The following MYT1 variants were observed in gnomAD, a reference collection of about 807,000 sequenced individuals.
MYT1 encodes myelin transcription factor 1.
MYT1 carries 23 observed loss-of-function variants against 123.0 expected under a neutral mutation model. The ratio of observed to expected loss-of-function variants is 0.19; its 90% CI spans 0.13 to 0.26. MYT1 has a LOEUF of 0.26. Ranked by LOEUF, MYT1 falls within the 10% of genes least tolerant of loss-of-function variation. MYT1 has a pLI of 1.00. For synonymous variants in MYT1, 518 were observed against 575.3 expected (o/e 0.90, Z 1.43); for missense variants, 1,125 against 1,472.5 (o/e 0.76, Z 3.86).
chr20:64,220,654 C>A (rs1019376339), intron 13 of MYT1, among the ~76,000 whole-genome samples: 2 of 152,272 alleles, frequency 1.3e-5, no homozygotes, highest in African/African-American at 2.4e-5. Flanking sequence ...AGGGTCCAGG[C>A]GGCAGCAGCC....
At position 64,208,757 on chromosome 20, in the gene MYT1, A is replaced by G. The variant is rs374875910; in HGVS notation, c.1291+270A>G. Among the ~76,000 whole-genome samples, 2 of 152,248 alleles carry G rather than the reference A, an allele frequency of 1.3e-5. No homozygotes were observed. Among genetic ancestry groups the G allele is most frequent in the South Asian group, 4.1e-4 (2 of 4,824 alleles). On this transcript the variant is annotated intron_variant, in intron 7 of 22. Coordinates refer to ENST00000328439, the MANE Select transcript of MYT1 (RefSeq NM_004535.3). This position sits in a 1 kb window ranked among gnomAD's most constrained non-coding sequence, Gnocchi z 5.4. ...GAGGAGGTGGGAGGGACAGTGACCCACCCACAGTGACTGGTCACAGCAGCA... is the reference window on the plus strand; with the variant it reads ...GAGGAGGTGGGAGGGACAGTGACCCGCCCACAGTGACTGGTCACAGCAGCA...
rs1984326013 is a variant in MYT1 at position 64,231,705 on chromosome 20, C to G, written c.2676-459C>G. ...CCCTGAGCTCCCCTGCTTAGGGGAC[C>G]TTGTCATTCTTTTGTGATCCATAGG... On this transcript the variant is annotated intron_variant, in intron 18 of 22. Coordinates refer to ENST00000328439, the MANE Select transcript of MYT1 (RefSeq NM_004535.3). The surrounding 1 kb of genome is among the most constrained non-coding windows in gnomAD (Gnocchi z 6.4). 6.6e-6 allele frequency among the ~76,000 whole-genome samples: 1 copy of G among 152,130 alleles called. No individual in the cohort carries two copies. The highest frequency in any genetic ancestry group is 2.1e-4 in the South Asian group (1 of 4,828).
At chr20:64,211,474 C>A in intron 8 of MYT1, 134 bp downstream of exon 8, 3 of 914,944 alleles carry the variant, frequency 3.3e-6, no homozygotes, top group Non-Finnish European at 4.8e-6. Flanking sequence ...AGATGCTCAT[C>A]CTTACATCTC....
At chr20:64,170,908 G>T (rs1358524236) in intron 1 of MYT1, among the ~76,000 whole-genome samples, 5 of 126,380 alleles carry the variant, frequency 4.0e-5, no homozygotes, top group Admixed American at 7.9e-5. Flanking sequence ...GAGAGAGAGA[G>T]AGAGAGAGAG....
chr20:64,182,104 T>C (rs1371889686), intron 1 of MYT1, among the ~76,000 whole-genome samples: 1 of 152,206 alleles, frequency 6.6e-6, no homozygotes. Flanking sequence ...TAAACCCAAG[T>C]AGCAGCAAGA....
intron 2 of MYT1, among the ~76,000 whole-genome samples, chr20:64,194,512 G>C (rs1045667221): frequency 6.6e-6 from 1 of 152,246 alleles, no homozygotes; most frequent in Non-Finnish European, 1.5e-5. Flanking sequence ...ACACCCTCCT[G>C]CTGGGGCCAG....
chr20:64,202,050 T>TGTCGGGAACCC lies in MYT1; in HGVS notation c.86+2128_86+2129insGTCGGGAACCC, dbSNP rs1983336609. On this transcript the variant is annotated intron_variant, in intron 4 of 22. Coordinates refer to ENST00000328439, the MANE Select transcript of MYT1 (RefSeq NM_004535.3). The surrounding 1 kb of genome is among the most constrained non-coding windows in gnomAD (Gnocchi z 5.0). ...CGGGAACCCCCGCGTGTCGGGAACCTCTGCGTGTCGGGAACCCCTGTGTGC... is the reference window on the plus strand; with the variant it reads ...CGGGAACCCCCGCGTGTCGGGAACCTGTCGGGAACCCCTGCGTGTCGGGAACCCCTGTGTGC... 8.1e-6 allele frequency among the ~76,000 whole-genome samples: 1 copy of TGTCGGGAACCC among 122,932 alleles called. No homozygotes were observed. The highest frequency in any genetic ancestry group is 1.8e-5 in the Non-Finnish European group (1 of 54,890). 80.6% of individuals were successfully genotyped at this position (122,932 alleles called of 152,430 possible). A position where few individuals can be genotyped will look rare whatever the true frequency, so the allele number is the denominator to read the frequency against.
chr20:64,197,282 A>T (rs758310032), intron 2 of MYT1, among the ~76,000 whole-genome samples: 1 of 152,172 alleles, frequency 6.6e-6, no homozygotes, highest in Non-Finnish European at 1.5e-5. Context: ...GGGAGGTTCA[A>T]TTTGCAAATT....
intron 6 of MYT1, 83 bp from the exon 7 acceptor site, chr20:64,207,511 G>A (rs982658706): frequency 1.9e-6 from 3 of 1,540,114 alleles, no homozygotes; most frequent in Non-Finnish European, 2.6e-6. Context: ...TCAGGTGGAG[G>A]GGTGGTGGGT....
At chr20:64,173,360 G>T (rs1396470689) in intron 1 of MYT1, among the ~76,000 whole-genome samples, 1 of 152,120 alleles carries the variant, frequency 6.6e-6, no homozygotes, top group Non-Finnish European at 1.5e-5. Context: ...GTCTTTTGTG[G>T]GCTTCTCCCC....
chr20:64,184,099 C>T (rs1260417213), intron 1 of MYT1, among the ~76,000 whole-genome samples: 3 of 152,138 alleles, frequency 2.0e-5, no homozygotes, highest in East Asian at 1.9e-4. Context: ...GGATTACAGC[C>T]GTGAGCCACT....
chr20:64,188,190 C>T (rs1029126203), intron 1 of MYT1, among the ~76,000 whole-genome samples: 1 of 152,140 alleles, frequency 6.6e-6, no homozygotes. Flanking sequence ...ACTGGAGGTC[C>T]CTTTGCAGAG....
Position 64,199,888 on chromosome 20 carries a change from C to A in MYT1, c.56-4C>A. On this transcript the variant is annotated splice_polypyrimidine_tract_variant and splice_region_variant and intron_variant, in intron 3 of 22. Transcript: ENST00000328439. Reference sequence around the variant, plus strand: ...TGTTTTCCCTGTTTCTGTCTTTTTCCCAGGACCCCCAGAGACCACAGCTGC... The same window carrying A: ...TGTTTTCCCTGTTTCTGTCTTTTTCACAGGACCCCCAGAGACCACAGCTGC... The A allele has an allele frequency of 6.2e-7, 1 of 1,614,082 alleles. No individual in the cohort carries two copies. Among genetic ancestry groups the A allele is most frequent in the South Asian group, 1.1e-5 (1 of 91,078 alleles).
At chr20:64,195,354 C>CTCTG (rs1447383179) in intron 2 of MYT1, among the ~76,000 whole-genome samples, 3 of 98,836 alleles carry the variant, frequency 3.0e-5, no homozygotes, top group African/African-American at 1.2e-4. Flanking sequence ...ATGGTGAGAA[C>CTCTG]TGTGTGTGTG....
At chr20:64,211,044 G>T (rs1298030406) in intron 7 of MYT1, among the ~76,000 whole-genome samples, 162 bp from the exon 8 acceptor site, 1 of 152,244 alleles carries the variant, frequency 6.6e-6, no homozygotes, top group Non-Finnish European at 1.5e-5. Context: ...GGTTTCTTCA[G>T]GGTCTCCTGA....
At chr20:64,171,486 C>G (rs1257161296) in intron 1 of MYT1, among the ~76,000 whole-genome samples, 1 of 152,238 alleles carries the variant, frequency 6.6e-6, no homozygotes, top group Non-Finnish European at 1.5e-5. Context: ...TGTCTGGCTG[C>G]AAATCGCACA....
At position 64,208,583 on chromosome 20, in the gene MYT1, C is replaced by T. The variant is rs1234330659; in HGVS notation, c.1291+96C>T. On this transcript the variant is annotated intron_variant, in intron 7 of 22. Transcript: ENST00000328439. The surrounding 1 kb of genome is among the most constrained non-coding windows in gnomAD (Gnocchi z 5.4). Reference sequence around the variant, plus strand: ...CTGAGAGCCCTTCTAGGACAGGGGGCTGGGGGATGGCAGAAAAGCAGACAA... The same window carrying T: ...CTGAGAGCCCTTCTAGGACAGGGGGTTGGGGGATGGCAGAAAAGCAGACAA... The T allele has an allele frequency of 1.4e-6, 2 of 1,468,636 alleles. No individual in the cohort carries two copies. The highest frequency in any genetic ancestry group is 1.4e-5 in the African/African-American group (1 of 70,306). The allele number at this position is 1,468,636 out of a possible 1,614,324, so 91.0% of individuals were successfully genotyped here. A position where few individuals can be genotyped will look rare whatever the true frequency, so the allele number is the denominator to read the frequency against.
At chr20:64,223,465 C>T in intron 16 of MYT1, 106 bp downstream of exon 16, 1 of 1,226,012 alleles carries the variant, frequency 8.2e-7, no homozygotes, top group African/African-American at 1.5e-5. Flanking sequence ...TGCCAAGCCT[C>T]AGCTGGCCCC....
rs573380197 is a variant in MYT1 at position 64,194,782 on chromosome 20, C to T, written c.1-4080C>T. On this transcript the variant is annotated intron_variant, in intron 2 of 22. Coordinates refer to ENST00000328439, the MANE Select transcript of MYT1 (RefSeq NM_004535.3). ...CAAAGGTGGAAGTTGGCACAAAGCC[C>T]GTTGGGCTTCATGGAAAATCTCCAA... 1.4e-4 allele frequency among the ~76,000 whole-genome samples: 21 copies of T among 152,292 alleles called. No individual in the cohort carries two copies. In the East Asian group the frequency reaches 2.5e-3, roughly 18 times the overall value.
Sources: allele counts gnomAD v4.1 joint callset (sites outside exome capture counted in the v4.1 genomes callset), GRCh38; gene constraint gnomAD v4.1.1; non-coding constraint Gnocchi (gnomAD v3.1); transcripts MANE v1.5; gene names NCBI Gene and HGNC (gene_info 2026-07-23, HGNC 2026-07-21).